CD36: variants seen among roughly 807,000 people sequenced by gnomAD.
The protein encoded by CD36 is CD36 molecule (CD36 blood group).
CD36 carries 119 observed loss-of-function variants against 55.2 expected under a neutral mutation model. That is an observed-to-expected ratio of 2.15 (90% CI 1.86 to 2.51). The LOEUF is 2.51. CD36 is among the 30% of genes most tolerant of loss of function. The pLI is 0.00. For synonymous variants in CD36, 186 were observed against 193.6 expected (o/e 0.96, Z 0.33); for missense variants, 819 against 555.5 (o/e 1.47, Z -4.77).
chr7:80,672,753 A>T lies in CD36; in HGVS notation c.1126-17A>T, dbSNP rs1257686789. The T allele has an allele frequency of 6.4e-7, 1 of 1,557,458 alleles. No individual in the cohort carries two copies. The highest frequency in any genetic ancestry group is 8.8e-7 in the Non-Finnish European group (1 of 1,131,748). On this transcript the variant is annotated splice_polypyrimidine_tract_variant and intron_variant, in intron 11 of 14. Coordinates refer to ENST00000447544, the MANE Select transcript of CD36 (RefSeq NM_001001548.3). ...TGTTTTTAAAAGTTGGTAATTATTT[A>T]GTTGTTCTCTTTTTAGATAACTGGA...
chr7:80,608,941 G>C (rs1054398237), intron 1 of CD36, among the ~76,000 whole-genome samples: 10 of 119,958 alleles, frequency 8.3e-5, no homozygotes, highest in African/African-American at 3.2e-4. Flanking sequence ...CAGTTTTTAA[G>C]TTCAACTACA....
Position 80,673,406 on chromosome 7 carries a change from T to A in CD36, c.1251T>A (p.Asn417Lys). 6.4e-7 allele frequency: 1 copy of A among 1,563,358 alleles called. No individual in the cohort carries two copies. Residue 417 changes from asparagine to lysine, a missense_variant, in exon 13 of 15, where the codon AAT (asparagine) becomes AAA (lysine). By Grantham distance (94) the Asn-to-Lys change is moderately conservative (BLOSUM62 0). Transcript: ENST00000447544. ...RNYIVPILWL[N>K]ETGTIGDEKA... The stretch of plus-strand genomic sequence containing the variant: ...ATATTGTGCCTATTCTTTGGCTTAA[T>A]GAGGTTTGTATTTGCAGCTGTTAGT...
At position 80,679,206 on chromosome 7, in the gene CD36, C is replaced by T. The variant is rs1424858061; in HGVS notation, c.*2823C>T. 6.6e-6 allele frequency: 1 copy of T among 151,874 alleles called. No individual in the cohort carries two copies. The highest frequency in any genetic ancestry group is 2.4e-5 in the African/African-American group (1 of 41,326). The allele number at this position is 151,874 out of a possible 1,614,324, so 9.4% of individuals were successfully genotyped here. A position where few individuals can be genotyped will look rare whatever the true frequency, so the allele number is the denominator to read the frequency against. On this transcript the variant is annotated 3_prime_UTR_variant, in exon 15 of 15. Coordinates refer to ENST00000447544, the MANE Select transcript of CD36 (RefSeq NM_001001548.3). ...TACATAAAAGGAATACTGCTTTTTCCTTTTGTGGCTCAAAGGTAGCTGCAT... is the reference window on the plus strand; with the variant it reads ...TACATAAAAGGAATACTGCTTTTTCTTTTTGTGGCTCAAAGGTAGCTGCAT...
At chr7:80,673,583 C>T (rs1584473756) in intron 13 of CD36, 174 bp downstream of exon 13, 2 of 583,144 alleles carry the variant, frequency 3.4e-6, no homozygotes, top group Middle Eastern at 9.3e-4. Context: ...AAAAACATTT[C>T]CTATCATTTA....
In CD36 at chr7:80,677,563, G is replaced by A. The variant is rs1798200545; in HGVS notation, c.*1180G>A. ...TTTTGCATCTCTGAAGGTGCTTAAA[G>A]CATACTTAGTGCCTTTCCTTTTAAC... On this transcript the variant is annotated 3_prime_UTR_variant, in exon 15 of 15. Coordinates refer to ENST00000447544, the MANE Select transcript of CD36 (RefSeq NM_001001548.3). 1 of 152,170 alleles carries A rather than the reference G, an allele frequency of 6.6e-6. No homozygotes were observed. The highest frequency in any genetic ancestry group is 2.4e-5 in the African/African-American group (1 of 41,452). The allele number at this position is 152,170 out of a possible 1,614,324, so 9.4% of individuals were successfully genotyped here.
At position 80,671,931 on chromosome 7, in the gene CD36, T is replaced by C; in HGVS notation, c.1016T>C (p.Val339Ala). 6.2e-7 allele frequency: 1 copy of C among 1,611,498 alleles called. No homozygotes were observed. The highest frequency in any genetic ancestry group is 1.7e-4 in the Middle Eastern group (1 of 5,950). Residue 339 changes from valine to alanine, a missense_variant, in exon 11 of 15, where the codon GTG becomes GCG. Transcript: ENST00000447544. The stretch of plus-strand genomic sequence containing the variant: ...TAAAACTTGTCTTCAGGGAGACCTG[T>C]GTACATTTCACTTCCTCATTTTCTG... ...DISKCKEGRPVYISLPHFLYA... is the reference protein window; with the variant it reads ...DISKCKEGRPAYISLPHFLYA...
intron 1 of CD36, among the ~76,000 whole-genome samples, chr7:80,642,033 A>T (rs1177100262): frequency 3.3e-5 from 5 of 152,096 alleles, no homozygotes; most frequent in Non-Finnish European, 5.9e-5. Flanking sequence ...AAGGAATAGG[A>T]TTTATAATCT....
chr7:80,636,602 G>A (rs920011611), upstream of CD36, among the ~76,000 whole-genome samples: 2 of 150,658 alleles, frequency 1.3e-5, no homozygotes, highest in African/African-American at 2.4e-5. Context: ...ATTATATCCT[G>A]TCATTCTAAT....
intron 1 of CD36, among the ~76,000 whole-genome samples, chr7:80,617,890 T>C (rs1367626616): frequency 2.0e-5 from 3 of 152,152 alleles, no homozygotes; most frequent in African/African-American, 4.8e-5. Context: ...ACTGATAAGA[T>C]AGTAAAGTGC....
chr7:80,640,760 G>A (rs35179913), intron 1 of CD36, among the ~76,000 whole-genome samples: 19,955 of 151,928 alleles, frequency 0.13, 1,870 homozygotes, highest in East Asian at 0.33. Context: ...TTTAAAAGAC[G>A]GGACTTGTTT....
At chr7:80,667,695 G>GCAAA (rs1797224573) in intron 8 of CD36, among the ~76,000 whole-genome samples, 1 of 145,538 alleles carries the variant, frequency 6.9e-6, no homozygotes, top group African/African-American at 2.5e-5. Context: ...AACAAAAAAA[G>GCAAA]CAAACAAAAA....
intron 12 of CD36, 83 bp downstream of exon 12, chr7:80,672,926 A>G (rs3807074): frequency 1.1e-6 from 1 of 889,702 alleles, no homozygotes. Context: ...AATCTATGTA[A>G]GTAAGTGGAA....
chr7:80,643,433 C>T (rs1794948180), intron 1 of CD36, among the ~76,000 whole-genome samples: 1 of 151,984 alleles, frequency 6.6e-6, no homozygotes, highest in South Asian at 2.1e-4. Context: ...TAACTTAATC[C>T]TTGAGTTATA....
chr7:80,663,096 T>TA lies in CD36; in HGVS notation c.537dup (p.Trp180MetfsTer4), dbSNP rs760436425. ...CAAGTCAGAACTTTGAGAGAACTGT[T>TA]ATGGGGCTATAGGGATCCATTTTTG... On this transcript the variant is annotated frameshift_variant, in exon 6 of 15. Transcript: ENST00000447544. LOFTEE classifies it high-confidence loss of function. The TA allele has an allele frequency of 6.2e-7, 1 of 1,613,744 alleles. No individual in the cohort carries two copies. The highest frequency in any genetic ancestry group is 8.5e-7 in the Non-Finnish European group (1 of 1,179,768).
chr7:80,639,846 T>C (rs1405345922), intron 1 of CD36: 1 of 152,020 alleles, frequency 6.6e-6, no homozygotes, highest in Non-Finnish European at 1.5e-5. Flanking sequence ...TTTCCCAGAC[T>C]CATTAGTGAA....
intron 1 of CD36, among the ~76,000 whole-genome samples, chr7:80,642,339 T>G (rs973862973): frequency 1.4e-4 from 21 of 152,146 alleles, no homozygotes; most frequent in Non-Finnish European, 2.2e-4. Context: ...TAAGGAGTTG[T>G]GTTATTAAGA....
intron 1 of CD36, among the ~76,000 whole-genome samples, chr7:80,605,901 T>C (rs1792522873): frequency 1.3e-5 from 2 of 152,110 alleles, no homozygotes; most frequent in Non-Finnish European, 1.5e-5. Flanking sequence ...AAGCTTAATA[T>C]ACAGGGATAA....
intron 1 of CD36, among the ~76,000 whole-genome samples, chr7:80,612,497 A>G (rs1195012644): frequency 6.6e-6 from 1 of 152,172 alleles, no homozygotes; most frequent in Admixed American, 6.5e-5. Context: ...TCTACTTACT[A>G]TGTAGATGAA....
chr7:80,608,270 C>G (rs1374356629), intron 1 of CD36, among the ~76,000 whole-genome samples: 1 of 152,110 alleles, frequency 6.6e-6, no homozygotes, highest in African/African-American at 2.4e-5. Context: ...GCAAAGCACT[C>G]TAAAAATAAT....
Sources: gnomAD v4.1 joint callset for allele counts (sites outside exome capture counted in the v4.1 genomes callset) on GRCh38, gnomAD v4.1.1 for gene constraint, MANE v1.5 for transcripts, NCBI Gene and HGNC (gene_info 2026-07-23, HGNC 2026-07-21) for gene names.